Variants in SEMA6D observed in about 807,000 individuals in gnomAD.
The protein encoded by SEMA6D is semaphorin-6D.
Under a neutral mutation model 106.6 loss-of-function variants are expected in SEMA6D, and 35 were observed. That is an observed-to-expected ratio of 0.33 (90% CI 0.25 to 0.44). SEMA6D has a LOEUF of 0.44. Ranked by LOEUF, SEMA6D falls within the 20% of genes least tolerant of loss-of-function variation. The pLI is 1.00. For synonymous variants in SEMA6D, 499 were observed against 487.7 expected, an observed-to-expected ratio of 1.02 and a Z score of -0.31; for missense variants, 1,185 against 1,345.9, an observed-to-expected ratio of 0.88 and a Z score of 1.87.
chr15:47,524,855 T>C (rs1399874704), intron 3 of SEMA6D, among the ~76,000 whole-genome samples: 1 of 152,110 alleles, frequency 6.6e-6, no homozygotes, highest in Non-Finnish European at 1.5e-5. Flanking sequence ...CCAGCAATCG[T>C]AGGAGGTATT....
chr15:47,631,145 A>T (rs1291143955), intron 4 of SEMA6D, among the ~76,000 whole-genome samples: 1 of 151,870 alleles, frequency 6.6e-6, no homozygotes, highest in African/African-American at 2.4e-5. Flanking sequence ...TCATCTGTGT[A>T]TAAAAGAGGT....
chr15:47,728,343 A>C (rs927712355), intron 1 of SEMA6D, among the ~76,000 whole-genome samples: 1 of 152,384 alleles, frequency 6.6e-6, no homozygotes, highest in East Asian at 1.9e-4. Context: ...ATTATGATAC[A>C]ATGAAATATA....
intron 1 of SEMA6D, among the ~76,000 whole-genome samples, chr15:47,382,633 A>G (rs1202910537): frequency 6.6e-6 from 1 of 152,274 alleles, no homozygotes; most frequent in Admixed American, 6.5e-5. Flanking sequence ...CAATATAGGT[A>G]GAATATAGAC....
chr15:47,272,212 G>C (rs1279569977), intron 1 of SEMA6D, among the ~76,000 whole-genome samples: 1 of 152,158 alleles, frequency 6.6e-6, no homozygotes, highest in East Asian at 1.9e-4. Context: ...TGAAAATTTG[G>C]TAAGGACTTT....
At chr15:47,312,200 T>C (rs2036478070) in intron 1 of SEMA6D, among the ~76,000 whole-genome samples, 1 of 151,968 alleles carries the variant, frequency 6.6e-6, no homozygotes, top group Non-Finnish European at 1.5e-5. Flanking sequence ...TTCATTTTGC[T>C]GCTGGATGAC....
At chr15:47,391,037 T>C (rs1253288960) in intron 1 of SEMA6D, among the ~76,000 whole-genome samples, 2 of 152,206 alleles carry the variant, frequency 1.3e-5, no homozygotes, top group African/African-American at 4.8e-5. Flanking sequence ...TTCCTGAATT[T>C]GGCCCTTGCT....
intron 1 of SEMA6D, among the ~76,000 whole-genome samples, chr15:47,404,335 T>C (rs543567725): frequency 6.6e-6 from 1 of 152,170 alleles, no homozygotes; most frequent in African/African-American, 2.4e-5. Context: ...ATCGTGGCAG[T>C]TATAATTTTA....
intron 1 of SEMA6D, among the ~76,000 whole-genome samples, chr15:47,251,234 C>A (rs773360857): frequency 6.6e-6 from 1 of 152,220 alleles, no homozygotes; most frequent in Non-Finnish European, 1.5e-5. Flanking sequence ...GGCATCCTTT[C>A]TATGATATTC....
intron 4 of SEMA6D, among the ~76,000 whole-genome samples, chr15:47,660,782 A>T (rs1366032184): frequency 1.3e-5 from 2 of 152,164 alleles, no homozygotes; most frequent in Non-Finnish European, 2.9e-5. Flanking sequence ...TGAAAAGTTG[A>T]TTTTTCATTT....
intron 3 of SEMA6D, among the ~76,000 whole-genome samples, chr15:47,585,355 C>CTGTT (rs1186980011): frequency 6.6e-6 from 1 of 152,224 alleles, no homozygotes; most frequent in African/African-American, 2.4e-5. Flanking sequence ...GCTATATATA[C>CTGTT]TGTTGGTAAA....
rs149523881 is a variant in SEMA6D at position 47,523,096 on chromosome 15, C to T, written c.-87+52551C>T. 1.0e-3 allele frequency among the ~76,000 whole-genome samples: 155 copies of T among 152,348 alleles called. 1 individual carries two copies. The highest frequency in any genetic ancestry group is 3.6e-3 in the African/African-American group (150 of 41,596). Reference sequence around the variant, plus strand: ...CCGCATCCTATACTCCTCCCATCTTCCATCTGCTAACAGTGCCCTTCATTG... The same window carrying T: ...CCGCATCCTATACTCCTCCCATCTTTCATCTGCTAACAGTGCCCTTCATTG... On this transcript the variant is annotated intron_variant, in intron 3 of 19. Coordinates refer to the SEMA6D transcript ENST00000558014.
chr15:47,347,415 T>C (rs1306885400), intron 1 of SEMA6D, among the ~76,000 whole-genome samples: 1 of 152,206 alleles, frequency 6.6e-6, no homozygotes, highest in Non-Finnish European at 1.5e-5. Flanking sequence ...CAAATAACAA[T>C]TGAGACTATT....
intron 1 of SEMA6D, among the ~76,000 whole-genome samples, chr15:47,292,792 T>G (rs2035645968): frequency 1.3e-5 from 2 of 152,164 alleles, no homozygotes; most frequent in Admixed American, 1.3e-4. Context: ...GAGCAATGAC[T>G]TAGATGGAGA....
intron 3 of SEMA6D, among the ~76,000 whole-genome samples, chr15:47,578,755 T>C (rs1368771285): frequency 6.6e-6 from 1 of 152,178 alleles, no homozygotes; most frequent in African/African-American, 2.4e-5. Flanking sequence ...TATGGATGTG[T>C]ACCTATGTGG....
At chr15:47,550,478 C>T (rs1350890449) in intron 3 of SEMA6D, among the ~76,000 whole-genome samples, 1 of 152,110 alleles carries the variant, frequency 6.6e-6, no homozygotes, top group East Asian at 1.9e-4. Flanking sequence ...AGAACAACAC[C>T]TTTTTGTAGG....
At chr15:47,289,087 C>T (rs1423761598) in intron 1 of SEMA6D, among the ~76,000 whole-genome samples, 1 of 152,054 alleles carries the variant, frequency 6.6e-6, no homozygotes, top group African/African-American at 2.4e-5. Flanking sequence ...TATTTTAAGG[C>T]ACCAACTGAT....
chr15:47,243,731 C>G (rs1042010042), intron 1 of SEMA6D, among the ~76,000 whole-genome samples: 1 of 151,926 alleles, frequency 6.6e-6, no homozygotes, highest in East Asian at 1.9e-4. Flanking sequence ...TAAGCTCTAG[C>G]AACTGGTGCT....
At chr15:47,377,440 C>T (rs538153032) in intron 1 of SEMA6D, among the ~76,000 whole-genome samples, 7 of 152,210 alleles carry the variant, frequency 4.6e-5, no homozygotes, top group African/African-American at 7.2e-5. Context: ...CAGAGGGTAA[C>T]GCTTGGGATC....
intron 3 of SEMA6D, among the ~76,000 whole-genome samples, chr15:47,519,314 C>G (rs368753226): frequency 7.9e-5 from 12 of 152,132 alleles, no homozygotes; most frequent in Admixed American, 7.9e-4. Context: ...CGTTGCAATA[C>G]GACATTTTGA....
Sources: gnomAD v4.1 joint callset for allele counts (sites outside exome capture counted in the v4.1 genomes callset) on GRCh38, gnomAD v4.1.1 for gene constraint, MANE v1.5 for transcripts, NCBI Gene and HGNC (gene_info 2026-07-23, HGNC 2026-07-21) for gene names.